The following ABCD3 variants were observed in gnomAD, a reference collection of about 807,000 sequenced individuals.
ABCD3 encodes ATP-binding cassette sub-family D member 3.
In ABCD3, 41 loss-of-function variants were observed where a neutral mutation model predicts 105.5. That is an observed-to-expected ratio of 0.39 (90% CI 0.30 to 0.50). The LOEUF is 0.50. Ranked by LOEUF, ABCD3 falls within the 20% of genes least tolerant of loss-of-function variation. ABCD3 has a pLI of 0.84. For synonymous variants in ABCD3, 258 were observed against 269.0 expected (o/e 0.96, Z 0.40); for missense variants, 622 against 806.3 (o/e 0.77, Z 2.77).
At chr1:94,425,807 G>T (rs747314947) in intron 1 of ABCD3, among the ~76,000 whole-genome samples, 3 of 152,108 alleles carry the variant, frequency 2.0e-5, no homozygotes, top group African/African-American at 7.2e-5. Context: ...ACATTTTTTT[G>T]TGCAGCTACT....
intron 1 of ABCD3, among the ~76,000 whole-genome samples, chr1:94,450,626 T>G (rs1170481585): frequency 6.6e-6 from 1 of 152,204 alleles, no homozygotes; most frequent in Non-Finnish European, 1.5e-5. Flanking sequence ...ATCACTGGCT[T>G]GCTGTCAATA....
At chr1:94,500,441 TAAAA>T in intron 20 of ABCD3, among the ~76,000 whole-genome samples, 1 of 152,122 alleles carries the variant, frequency 6.6e-6, no homozygotes, top group East Asian at 1.9e-4. Context: ...ATCGTCTCTC[TAAAA>T]ATAAATAAAT....
intron 1 of ABCD3, among the ~76,000 whole-genome samples, chr1:94,452,564 A>G (rs368540646): frequency 2.5e-4 from 38 of 152,346 alleles, no homozygotes; most frequent in African/African-American, 9.1e-4. Flanking sequence ...GTCATTATGT[A>G]CATATTTATT....
chr1:94,481,576 T>C (rs1649028890), intron 9 of ABCD3: 1 of 152,292 alleles, frequency 6.6e-6, no homozygotes, highest in African/African-American at 2.4e-5. Flanking sequence ...ATCAGGGCTC[T>C]GGCTCTCTGG....
intron 1 of ABCD3, among the ~76,000 whole-genome samples, chr1:94,447,737 T>C (rs1293264439): frequency 6.6e-6 from 1 of 152,220 alleles, no homozygotes; most frequent in Non-Finnish European, 1.5e-5. Flanking sequence ...TAATTATAGC[T>C]CCTGACAAAA....
At chr1:94,388,047 G>C in the ABCD3 span, among the ~76,000 whole-genome samples, 123 of 152,234 alleles carry the variant, frequency 8.1e-4, no homozygotes, top group Non-Finnish European at 1.5e-3. Flanking sequence ...AGCCCACACT[G>C]CTCTTCAACT....
chr1:94,433,728 C>G (rs1659783630), intron 1 of ABCD3, among the ~76,000 whole-genome samples: 1 of 150,752 alleles, frequency 6.6e-6, no homozygotes, highest in South Asian at 2.1e-4. Flanking sequence ...CTTACTGCAA[C>G]CTCCGCCTCC....
At chr1:94,475,306 T>A in intron 6 of ABCD3, 66 bp downstream of exon 6, 1 of 1,105,572 alleles carries the variant, frequency 9.0e-7, no homozygotes, top group Non-Finnish European at 1.3e-6. Flanking sequence ...AGCTGATCAA[T>A]ATAGCAGTTT....
At chr1:94,410,381 C>T in the ABCD3 span, among the ~76,000 whole-genome samples, 1 of 152,144 alleles carries the variant, frequency 6.6e-6, no homozygotes, top group African/African-American at 2.4e-5. Context: ...TAGGTGGGCT[C>T]TCAATTCACA....
At chr1:94,437,180 G>C (rs1570744347) in intron 1 of ABCD3, among the ~76,000 whole-genome samples, 2 of 152,192 alleles carry the variant, frequency 1.3e-5, no homozygotes, top group Admixed American at 1.3e-4. Flanking sequence ...TAAGATAATC[G>C]ATAAAGGTGG....
chr1:94,436,584 A>G (rs1382762083), intron 1 of ABCD3, among the ~76,000 whole-genome samples: 1 of 152,120 alleles, frequency 6.6e-6, no homozygotes, highest in Non-Finnish European at 1.5e-5. Flanking sequence ...GTTTTTTACA[A>G]ATTGAAAGTT....
chr1:94,473,350 T>G (rs1052606772), intron 4 of ABCD3, among the ~76,000 whole-genome samples: 2 of 152,160 alleles, frequency 1.3e-5, no homozygotes, highest in African/African-American at 4.8e-5. Context: ...CTCCCTGCCA[T>G]TAGTTCACAC....
chr1:94,504,854 C>T (rs1299627974), intron 20 of ABCD3, among the ~76,000 whole-genome samples: 3 of 152,070 alleles, frequency 2.0e-5, no homozygotes, highest in African/African-American at 7.2e-5. Context: ...GTGCTCTGGG[C>T]TAAGGGCATG....
chr1:94,448,996 C>T (rs1427652883), intron 1 of ABCD3, among the ~76,000 whole-genome samples: 1 of 151,656 alleles, frequency 6.6e-6, no homozygotes, highest in East Asian at 1.9e-4. Context: ...TGAACAGCAT[C>T]TACAGAAACC....
At chr1:94,445,197 C>T (rs1207508454) in intron 1 of ABCD3, among the ~76,000 whole-genome samples, 6 of 152,174 alleles carry the variant, frequency 3.9e-5, no homozygotes, top group African/African-American at 1.4e-4. Flanking sequence ...GGCTGTGAGA[C>T]CCCTGATTGC....
chr1:94,472,141 A>G (rs1648486417), intron 4 of ABCD3: 1 of 788,126 alleles, frequency 1.3e-6, no homozygotes, highest in African/African-American at 1.9e-5. Context: ...GGCTATTGTA[A>G]AATTGTTTTT....
At chr1:94,462,124 A>C (rs926131990) in intron 2 of ABCD3, among the ~76,000 whole-genome samples, 1 of 152,162 alleles carries the variant, frequency 6.6e-6, no homozygotes, top group African/African-American at 2.4e-5. Flanking sequence ...CTTCTCAAAT[A>C]GCTTTTAATG....
At chr1:94,499,099 A>C (rs1649973502) in intron 19 of ABCD3, 65 bp downstream of exon 19, 2 of 1,399,740 alleles carry the variant, frequency 1.4e-6, no homozygotes, top group African/African-American at 1.4e-5. Flanking sequence ...TAATCAATTA[A>C]GTATTTTAAA....
chr1:94,477,395 A>C (rs1557679481), intron 7 of ABCD3, among the ~76,000 whole-genome samples: 2 of 152,054 alleles, frequency 1.3e-5, no homozygotes, highest in Non-Finnish European at 2.9e-5. Context: ...TGGGAGGCCA[A>C]GGTGGGCAGA....
Sources: gnomAD v4.1 joint callset for allele counts (sites outside exome capture counted in the v4.1 genomes callset) on GRCh38, gnomAD v4.1.1 for gene constraint, MANE v1.5 for transcripts, NCBI Gene and HGNC (gene_info 2026-07-23, HGNC 2026-07-21) for gene names.